Variants in MTMR9 observed in about 807,000 individuals in gnomAD.
MTMR9 encodes the protein myotubularin related protein 9.
In MTMR9, 39 loss-of-function variants were observed where a neutral mutation model predicts 69.5. The observed-to-expected ratio is 0.56, with a 90% CI of 0.43 to 0.73. MTMR9 has a LOEUF of 0.73. Among genes scored for constraint, MTMR9 ranks in the 30% least tolerant of loss-of-function variants. The pLI is 0.00. For synonymous variants in MTMR9, 354 were observed against 240.8 expected (o/e 1.47, Z -4.35); for missense variants, 900 against 671.2 (o/e 1.34, Z -3.77).
At chr8:11,330,184 G>T (rs372527337), downstream of MTMR9, among the ~76,000 whole-genome samples, 7 of 151,460 alleles carry the variant, frequency 4.6e-5, no homozygotes, top group African/African-American at 1.7e-4. Context: ...CAGCCGCCCC[G>T]TCCGGGAGGG....
downstream of MTMR9, chr8:11,331,193 G>T (rs1199005460): frequency 8.7e-6 from 14 of 1,613,808 alleles, no homozygotes; most frequent in African/African-American, 1.3e-5. Context: ...GCTGGCACCA[G>T]CGCTGCCAGC....
At chr8:11,304,391 G>A (rs1438927962) in intron 3 of MTMR9, among the ~76,000 whole-genome samples, 1 of 152,132 alleles carries the variant, frequency 6.6e-6, no homozygotes, top group Non-Finnish European at 1.5e-5. Context: ...AAACTAAATG[G>A]GACCCAGAAA....
At chr8:11,335,941 T>G in the MTMR9 span, among the ~76,000 whole-genome samples, 1 of 152,126 alleles carries the variant, frequency 6.6e-6, no homozygotes, top group Non-Finnish European at 1.5e-5. Context: ...ACACGTGAAG[T>G]TGGGGGGAGG....
chr8:11,333,167 C>G, the MTMR9 span, among the ~76,000 whole-genome samples: 57 of 152,270 alleles, frequency 3.7e-4, no homozygotes, highest in African/African-American at 1.3e-3. Flanking sequence ...CTACAACAAC[C>G]TCTAATACCA....
chr8:11,296,212 C>G (rs1216441815), intron 2 of MTMR9, among the ~76,000 whole-genome samples: 2 of 152,048 alleles, frequency 1.3e-5, no homozygotes, highest in Non-Finnish European at 2.9e-5. Context: ...TACTTAACAT[C>G]TCTCTGATTT....
chr8:11,323,882 T>C lies in MTMR9; in HGVS notation c.*1094T>C, dbSNP rs377024504. On this transcript the variant is annotated 3_prime_UTR_variant, in exon 10 of 10. Transcript: ENST00000221086. ...AAGTGGAGGGGGAAGTTTATGAATA[T>C]AATATAGCTCTGTGTTTTAAACCTC... 1 of 152,206 alleles carries C rather than the reference T, an allele frequency of 6.6e-6. No homozygotes were observed. Among genetic ancestry groups the C allele is most frequent in the African/African-American group, 2.4e-5 (1 of 41,452 alleles). 9.4% of individuals were successfully genotyped at this position (152,206 alleles called of 1,614,324 possible).
chr8:11,292,439 C>T (rs756458025), intron 1 of MTMR9, among the ~76,000 whole-genome samples: 4 of 152,182 alleles, frequency 2.6e-5, no homozygotes, highest in Non-Finnish European at 5.9e-5. Flanking sequence ...CTTGTACCTA[C>T]AGTTCTACAT....
chr8:11,331,520 C>T (rs1274969844), downstream of MTMR9: 2 of 1,613,908 alleles, frequency 1.2e-6, no homozygotes, highest in South Asian at 1.1e-5. Context: ...AAGGTTCTTC[C>T]ACCGTATGCT....
rs1800593441 is a variant in MTMR9, at chr8:11,319,828, A to G, written c.1476A>G (p.Pro492=). Residue 492 remains proline (P), a synonymous_variant, in exon 9 of 10, where the codon CCA becomes CCG. Transcript: ENST00000221086. Reference sequence around the variant, plus strand: ...CTTCAGTTGCTCCGCAGAGTCTTCCACTGTGGGAAGGTAAACCACGCATCC... The same window carrying G: ...CTTCAGTTGCTCCGCAGAGTCTTCCGCTGTGGGAAGGTAAACCACGCATCC... ...IWPSVAPQSL[P]LWEGIFLRWN... 1 of 1,613,952 alleles carries G rather than the reference A, an allele frequency of 6.2e-7. No homozygotes were observed. Among genetic ancestry groups the G allele is most frequent in the African/African-American group, 1.3e-5 (1 of 74,902 alleles).
chr8:11,335,767 T>C, the MTMR9 span, among the ~76,000 whole-genome samples: 3 of 152,376 alleles, frequency 2.0e-5, no homozygotes, highest in African/African-American at 7.2e-5. Context: ...TGCCTTCATC[T>C]ATACATGGCA....
rs1444901715 is a variant in MTMR9 at position 11,327,028 on chromosome 8, A to G, written c.*4240A>G. On this transcript the variant is annotated 3_prime_UTR_variant, in exon 10 of 10. Transcript: ENST00000221086. ...TTTACATTTATTCTCAGATGATAAA[A>G]TATATACTGATACTATAACTTTCTT... 1 of 152,038 alleles carries G rather than the reference A, an allele frequency of 6.6e-6. No homozygotes were observed. The highest frequency in any genetic ancestry group is 1.5e-5 in the Non-Finnish European group (1 of 68,010). 9.4% of individuals were successfully genotyped at this position (152,038 alleles called of 1,614,324 possible).
Position 11,323,974 on chromosome 8 carries a change from G to A in MTMR9, c.*1186G>A, listed in dbSNP as rs1330669573. On this transcript the variant is annotated 3_prime_UTR_variant, in exon 10 of 10. Coordinates refer to ENST00000221086, the MANE Select transcript of MTMR9 (RefSeq NM_015458.4). ...GACTATTCATGCTCTGCTAGTCTAT[G>A]CCTGCAACTCCAAATGTTTGTGGTT... 26 of 152,168 alleles carry A rather than the reference G, an allele frequency of 1.7e-4. No individual in the cohort carries two copies. The highest frequency in any genetic ancestry group is 1.7e-3 in the Admixed American group (26 of 15,280). The allele number at this position is 152,168 out of a possible 1,614,324, so 9.4% of individuals were successfully genotyped here. A position where few individuals can be genotyped will look rare whatever the true frequency, so the allele number is the denominator to read the frequency against.
At position 11,327,957 on chromosome 8, in the gene MTMR9, T is replaced by C. The variant is rs1563293588; in HGVS notation, c.*5169T>C. The C allele has an allele frequency of 6.6e-6, 1 of 152,184 alleles. No homozygotes were observed. Among genetic ancestry groups the C allele is most frequent in the Non-Finnish European group, 1.5e-5 (1 of 68,024 alleles). 9.4% of individuals were successfully genotyped at this position (152,184 alleles called of 1,614,324 possible). A position where few individuals can be genotyped will look rare whatever the true frequency, so the allele number is the denominator to read the frequency against. The stretch of plus-strand genomic sequence containing the variant: ...TATAACTGTAATCATTCACCTTGGG[T>C]TGGCCGGTTTGTCAAGCTTGGTTTA... On this transcript the variant is annotated 3_prime_UTR_variant, in exon 10 of 10. Coordinates refer to ENST00000221086, the MANE Select transcript of MTMR9 (RefSeq NM_015458.4).
intron 1 of MTMR9, among the ~76,000 whole-genome samples, chr8:11,291,816 T>G (rs1403204513): frequency 6.6e-6 from 1 of 152,180 alleles, no homozygotes; most frequent in Non-Finnish European, 1.5e-5. Flanking sequence ...TTTGTTTTTT[T>G]ACTGACAGTT....
In MTMR9 at chr8:11,295,286, T is replaced by C. The variant is rs781128526; in HGVS notation, c.275T>C (p.Ile92Thr). Residue 92 changes from isoleucine to threonine, a missense_variant, in exon 2 of 10, where the codon ATA becomes ACA. Physicochemically the swap from Ile to Thr is moderately conservative, Grantham distance 89 (BLOSUM62 -1). Coordinates refer to ENST00000221086, the MANE Select transcript of MTMR9 (RefSeq NM_015458.4). ...DIPGMEECLN[I>T]ASSIEALSTL... ...CCTGGAATGGAGGAATGCTTGAATA[T>C]AGCCAGTTCCATTGAGGTAAGTATT... The C allele has an allele frequency of 6.3e-7, 1 of 1,595,060 alleles. No homozygotes were observed. The highest frequency in any genetic ancestry group is 8.6e-7 in the Non-Finnish European group (1 of 1,164,792).
chr8:11,306,114 T>C, intron 4 of MTMR9, 76 bp from the exon 5 acceptor site: 1 of 1,258,948 alleles, frequency 7.9e-7, no homozygotes, highest in Non-Finnish European at 1.1e-6. Flanking sequence ...ATACTCTTAA[T>C]CTAGCTAATT....
At chr8:11,330,432 T>C (rs1241910081), downstream of MTMR9, among the ~76,000 whole-genome samples, 3 of 152,276 alleles carry the variant, frequency 2.0e-5, no homozygotes, top group Admixed American at 6.5e-5. Flanking sequence ...CAACAGCTCA[T>C]TGAGAACGGG....
chr8:11,334,050 G>C, the MTMR9 span, among the ~76,000 whole-genome samples: 1 of 152,154 alleles, frequency 6.6e-6, no homozygotes, highest in Non-Finnish European at 1.5e-5. Flanking sequence ...ACACTGTCTT[G>C]TCCTTCCACC....
chr8:11,290,365 A>G (rs1799338476), intron 1 of MTMR9, among the ~76,000 whole-genome samples: 1 of 151,898 alleles, frequency 6.6e-6, no homozygotes, highest in Admixed American at 6.6e-5. Flanking sequence ...GTGGGTGTTC[A>G]TTCTCCATTT....
Sources: gnomAD v4.1 joint callset for allele counts (sites outside exome capture counted in the v4.1 genomes callset) on GRCh38, gnomAD v4.1.1 for gene constraint, MANE v1.5 for transcripts, NCBI Gene and HGNC (gene_info 2026-07-23, HGNC 2026-07-21) for gene names.